The following FANCC variants were observed in gnomAD, a reference collection of about 807,000 sequenced individuals.
FANCC encodes the protein Fanconi anemia group C protein.
A neutral mutation model predicts 71.3 loss-of-function variants in FANCC; 55 were observed. That is an observed-to-expected ratio of 0.77 (90% CI 0.62 to 0.97). The LOEUF (loss-of-function observed/expected upper bound fraction) is 0.97, where lower values mean the gene tolerates loss of function less well. Ranked by LOEUF, FANCC falls within the 50% of genes least tolerant of loss-of-function variation. FANCC has a pLI of 0.00. For missense variants in FANCC, 678 were observed against 670.9 expected, an observed-to-expected ratio of 1.01 and a Z score of -0.12; for synonymous variants, 275 against 244.9, an observed-to-expected ratio of 1.12 and a Z score of -1.15.
At chr9:95,226,546 G>A (rs545018998) in intron 4 of FANCC, among the ~76,000 whole-genome samples, 2 of 152,178 alleles carry the variant, frequency 1.3e-5, no homozygotes, top group Non-Finnish European at 2.9e-5. Context: ...GCTGGGATGC[G>A]CTGTCTCCTG....
At chr9:95,228,145 A>G (rs944610542) in intron 4 of FANCC, among the ~76,000 whole-genome samples, 1 of 152,136 alleles carries the variant, frequency 6.6e-6, no homozygotes, top group African/African-American at 2.4e-5. Flanking sequence ...CACAGTAGGC[A>G]CTCAGGATAC....
intron 11 of FANCC, among the ~76,000 whole-genome samples, chr9:95,115,713 G>A (rs2072349390): frequency 6.6e-6 from 1 of 152,180 alleles, no homozygotes; most frequent in African/African-American, 2.4e-5. Context: ...ACAAACTGCT[G>A]CTACTCCACA....
At position 95,111,539 on chromosome 9, in the gene FANCC, G is replaced by T. The variant is rs772223845; in HGVS notation, c.1253C>A (p.Pro418His). Reference sequence around the variant, plus strand: ...CAAGAGCCACAGCAGGGCCGTGGGGGGTTCGGCTGCCGACATCAGTAATTG... The same window carrying T: ...CAAGAGCCACAGCAGGGCCGTGGGGTGTTCGGCTGCCGACATCAGTAATTG... ...AEQLLMSAAE[P>H]PTALLWLLAF... Residue 418 changes from proline (P) to histidine (H), a missense_variant, in exon 13 of 15, where the codon CCC becomes CAC. By Grantham distance (77) the Pro-to-His change is moderately conservative. Coordinates refer to ENST00000289081, the MANE Select transcript of FANCC (RefSeq NM_000136.3). 1.9e-5 allele frequency: 31 copies of T among 1,614,164 alleles called. No individual in the cohort carries two copies. The highest frequency in any genetic ancestry group is 2.5e-5 in the Non-Finnish European group (30 of 1,180,038).
At chr9:95,110,361 G>A (rs1417348365) in intron 13 of FANCC, 1 of 1,020,964 alleles carries the variant, frequency 9.8e-7, no homozygotes, top group African/African-American at 1.7e-5. Flanking sequence ...AATATAAAAG[G>A]GCTTTAAAAA....
intron 1 of FANCC, among the ~76,000 whole-genome samples, chr9:95,304,062 T>C (rs1834924445): frequency 1.3e-5 from 2 of 152,180 alleles, no homozygotes; most frequent in African/African-American, 4.8e-5. Flanking sequence ...TGCCTCACAA[T>C]TCTAAAGGAA....
intron 1 of FANCC, among the ~76,000 whole-genome samples, chr9:95,255,363 A>G (rs1387104233): frequency 6.6e-6 from 1 of 152,176 alleles, no homozygotes; most frequent in African/African-American, 2.4e-5. Context: ...AGGAAGGATC[A>G]GGCAGCAATA....
At chr9:95,317,500 G>T (rs1055949597) in intron 1 of FANCC, 26 bp downstream of exon 1, 5 of 152,340 alleles carry the variant, frequency 3.3e-5, no homozygotes, top group African/African-American at 7.2e-5. Context: ...CTCCGCCCTC[G>T]CTGCGTTCTG....
chr9:95,178,695 A>T (rs74991914), intron 4 of FANCC, among the ~76,000 whole-genome samples: 1 of 152,370 alleles, frequency 6.6e-6, no homozygotes, highest in East Asian at 1.9e-4. Flanking sequence ...CCCAAAGAAC[A>T]CTGGGTGGTC....
intron 6 of FANCC, among the ~76,000 whole-genome samples, chr9:95,162,521 G>T (rs911924272): frequency 2.6e-5 from 4 of 152,114 alleles, no homozygotes; most frequent in African/African-American, 9.7e-5. Context: ...ATTTTTTAAG[G>T]AAACTCCATA....
intron 6 of FANCC, among the ~76,000 whole-genome samples, chr9:95,168,371 C>T (rs947835859): frequency 2.0e-5 from 3 of 152,218 alleles, no homozygotes; most frequent in African/African-American, 7.2e-5. Flanking sequence ...GGTGCTACCA[C>T]AAACCACTAA....
chr9:95,106,319 T>G (rs189527909), intron 14 of FANCC, among the ~76,000 whole-genome samples: 20 of 152,378 alleles, frequency 1.3e-4, no homozygotes, highest in Admixed American at 1.0e-3. Flanking sequence ...TGTTTATCTT[T>G]TTGTTGTTGA....
chr9:95,290,421 G>A (rs1027812755), intron 1 of FANCC, among the ~76,000 whole-genome samples: 3 of 152,122 alleles, frequency 2.0e-5, no homozygotes, highest in African/African-American at 7.2e-5. Flanking sequence ...TTAATCCTCA[G>A]ATCGAAGAAG....
chr9:95,311,747 A>ATGTGTGTGTGTG (rs1835419818), intron 1 of FANCC, among the ~76,000 whole-genome samples: 1 of 111,992 alleles, frequency 8.9e-6, no homozygotes, highest in Non-Finnish European at 1.9e-5. Flanking sequence ...GTGTGTGTGA[A>ATGTGTGTGTGTG]AAACCGCAGC....
chr9:95,234,097 G>A (rs1271645712), intron 4 of FANCC, among the ~76,000 whole-genome samples: 1 of 152,202 alleles, frequency 6.6e-6, no homozygotes, highest in Non-Finnish European at 1.5e-5. Flanking sequence ...AGAAGTCAGA[G>A]ATTAAAAATA....
chr9:95,244,261 C>G (rs1830806703), intron 3 of FANCC, among the ~76,000 whole-genome samples: 2 of 152,212 alleles, frequency 1.3e-5, no homozygotes, highest in African/African-American at 4.8e-5. Context: ...AACTGCTACT[C>G]CCATTCAGAG....
At chr9:95,234,608 G>A (rs1361740560) in intron 4 of FANCC, among the ~76,000 whole-genome samples, 2 of 152,220 alleles carry the variant, frequency 1.3e-5, no homozygotes, top group Non-Finnish European at 2.9e-5. Context: ...AATGATGACA[G>A]TGTGGAACTG....
At chr9:95,156,574 A>C (rs1347600408) in intron 6 of FANCC, among the ~76,000 whole-genome samples, 1 of 152,176 alleles carries the variant, frequency 6.6e-6, no homozygotes, top group Non-Finnish European at 1.5e-5. Context: ...TTTAAAAAGC[A>C]ATTTGATGCG....
chr9:95,102,330 G>C (rs999933877), intron 14 of FANCC, among the ~76,000 whole-genome samples: 2 of 152,180 alleles, frequency 1.3e-5, no homozygotes, highest in Admixed American at 6.5e-5. Flanking sequence ...GGACCTACTT[G>C]CTTTTTAATA....
At chr9:95,105,433 A>G (rs565057457) in intron 14 of FANCC, among the ~76,000 whole-genome samples, 1 of 152,344 alleles carries the variant, frequency 6.6e-6, no homozygotes, top group East Asian at 1.9e-4. Context: ...TATGTCAACA[A>G]AAGTACAAAT....
Sources: gnomAD v4.1 joint callset for allele counts (sites outside exome capture counted in the v4.1 genomes callset) on GRCh38, gnomAD v4.1.1 for gene constraint, MANE v1.5 for transcripts, NCBI Gene and HGNC (gene_info 2026-07-23, HGNC 2026-07-21) for gene names.